Variants in AOPEP observed in about 807,000 individuals in gnomAD.
AOPEP encodes the protein aminopeptidase O.
Under a neutral mutation model 98.1 loss-of-function variants are expected in AOPEP, and 77 were observed. The ratio of observed to expected loss-of-function variants is 0.78; its 90% confidence interval spans 0.65 to 0.95. AOPEP has a LOEUF of 0.95. Ranked by LOEUF, AOPEP falls within the 40% of genes least tolerant of loss-of-function variation. The pLI is 0.00. For missense variants in AOPEP, 1,024 were observed against 1,024.7 expected, an observed-to-expected ratio of 1.00 and a Z score of 0.01; for synonymous variants, 346 against 365.3, an observed-to-expected ratio of 0.95 and a Z score of 0.60.
intron 5 of AOPEP, among the ~76,000 whole-genome samples, chr9:94,821,264 A>G (rs1853054516): frequency 6.6e-6 from 1 of 152,182 alleles, no homozygotes; most frequent in African/African-American, 2.4e-5. Flanking sequence ...TTCAGGATAG[A>G]GCGTTCACCC....
intron 4 of AOPEP, among the ~76,000 whole-genome samples, chr9:94,795,432 C>T (rs575865936): frequency 1.3e-5 from 2 of 152,310 alleles, no homozygotes; most frequent in African/African-American, 4.8e-5. Flanking sequence ...GACAAAGCCA[C>T]ACTTTCCTTA....
intron 5 of AOPEP, among the ~76,000 whole-genome samples, chr9:94,872,784 G>C (rs576965139): frequency 7.0e-4 from 106 of 152,302 alleles, no homozygotes; most frequent in Admixed American, 2.4e-3. Context: ...GGAAAGAAAA[G>C]ACGTGAAAGA....
intron 11 of AOPEP, among the ~76,000 whole-genome samples, chr9:95,003,473 G>T (rs540199180): frequency 8.5e-5 from 13 of 152,320 alleles, no homozygotes; most frequent in African/African-American, 2.9e-4. Flanking sequence ...GTGGGTAAAA[G>T]GAAGTGCCTG....
At chr9:94,752,450 ATTCT>A (rs1387361148) in intron 1 of AOPEP, among the ~76,000 whole-genome samples, 5 of 152,252 alleles carry the variant, frequency 3.3e-5, no homozygotes, top group Admixed American at 3.3e-4. Flanking sequence ...TAATAACAAA[ATTCT>A]TTCTTATCAG....
At chr9:94,917,570 T>C (rs1335285918) in intron 5 of AOPEP, among the ~76,000 whole-genome samples, 2 of 152,188 alleles carry the variant, frequency 1.3e-5, no homozygotes. Flanking sequence ...ATAAGCCTCC[T>C]CTGAGAGCAC....
rs1224998622 is a variant in AOPEP, at chr9:95,003,055, C to G, written c.1978-2103C>G. On this transcript the variant is annotated intron_variant, in intron 11 of 16. Transcript: ENST00000375315. ...ATCTGGGTGCTAGGAAGAAAGGAGA[C>G]TGTGTCAGTAGCAGAGCAAGACAGG... 2.6e-5 allele frequency among the ~76,000 whole-genome samples: 4 copies of G among 152,268 alleles called. No individual in the cohort carries two copies. The East Asian group carries it at 7.7e-4, about 29-fold the overall frequency.
At chr9:95,133,356 T>C in the AOPEP span, among the ~76,000 whole-genome samples, 5 of 152,188 alleles carry the variant, frequency 3.3e-5, no homozygotes, top group African/African-American at 1.2e-4. Flanking sequence ...TTAAACCAAA[T>C]AACACCCTCT....
chr9:94,750,756 C>CTTTTTTTTTT (rs536762614), intron 1 of AOPEP, among the ~76,000 whole-genome samples: 6 of 130,906 alleles, frequency 4.6e-5, no homozygotes, highest in Admixed American at 8.2e-5. Context: ...TCTTTTCTTT[C>CTTTTTTTTTT]TTTTTTTTTT....
rs545547153 is a variant in AOPEP at position 94,918,709 on chromosome 9, A to G, written c.1365-5277A>G. Among the ~76,000 whole-genome samples, 6 of 152,274 alleles carry G rather than the reference A, an allele frequency of 3.9e-5. 1 individual carries two copies. Among genetic ancestry groups the G allele is most frequent in the African/African-American group, 1.4e-4 (6 of 41,552 alleles). On this transcript the variant is annotated intron_variant, in intron 5 of 16. Coordinates refer to ENST00000375315, the MANE Select transcript of AOPEP (RefSeq NM_001193329.3). ...GTAACATCCTGAGGTTGTGGGGTAGAGCAATGAGATGGCATGTGTAAAATA... is the reference window on the plus strand; with the variant it reads ...GTAACATCCTGAGGTTGTGGGGTAGGGCAATGAGATGGCATGTGTAAAATA...
intron 5 of AOPEP, among the ~76,000 whole-genome samples, chr9:94,822,322 T>C (rs558559221): frequency 2.6e-4 from 39 of 152,350 alleles, no homozygotes; most frequent in African/African-American, 8.4e-4. Context: ...AGCTGTGAAA[T>C]AGACTTGTGC....
intron 7 of AOPEP, among the ~76,000 whole-genome samples, chr9:94,954,422 G>GTTT (rs1293190356): frequency 6.6e-6 from 1 of 152,208 alleles, no homozygotes; most frequent in African/African-American, 2.4e-5. Context: ...CTTGGGCCAT[G>GTTT]TGTAAAATAA....
At chr9:94,850,881 C>T (rs995631009) in intron 5 of AOPEP, among the ~76,000 whole-genome samples, 3 of 152,156 alleles carry the variant, frequency 2.0e-5, no homozygotes, top group East Asian at 1.9e-4. Context: ...ATTCTGGCTG[C>T]GGGAATATGA....
At chr9:94,805,266 A>G (rs548688769) in intron 5 of AOPEP, among the ~76,000 whole-genome samples, 20 of 152,240 alleles carry the variant, frequency 1.3e-4, no homozygotes, top group African/African-American at 4.3e-4. Flanking sequence ...CTTGAGCAGA[A>G]TTCTCCATGG....
chr9:95,150,051 A>C, the AOPEP span: 1 of 1,614,142 alleles, frequency 6.2e-7, no homozygotes, highest in Non-Finnish European at 8.5e-7. Context: ...GTGGGACACA[A>C]ACTCGTGACA....
chr9:95,108,480 A>C, the AOPEP span, among the ~76,000 whole-genome samples: 1 of 152,154 alleles, frequency 6.6e-6, no homozygotes, highest in Admixed American at 6.5e-5. Context: ...CTTGTCCAAT[A>C]ATCCCTAAGA....
intron 9 of AOPEP, among the ~76,000 whole-genome samples, chr9:94,963,899 G>C (rs571509780): frequency 1.6e-4 from 24 of 152,228 alleles, no homozygotes; most frequent in Admixed American, 1.4e-3. Context: ...AGTGGAAAAA[G>C]CTTCTGTCAT....
At chr9:95,084,683 A>G (rs4743988) in intron 16 of AOPEP, among the ~76,000 whole-genome samples, 102,504 of 152,042 alleles carry the variant, frequency 0.67, 35,137 homozygotes, top group Non-Finnish European at 0.73. Context: ...CAGGCAGGCA[A>G]AGGAGTCATC....
intron 7 of AOPEP, among the ~76,000 whole-genome samples, chr9:94,938,218 AC>A (rs1396627764): frequency 6.6e-6 from 1 of 152,126 alleles, no homozygotes; most frequent in Non-Finnish European, 1.5e-5. Flanking sequence ...CTCGCTTCTG[AC>A]CCTCAGACTT....
chr9:95,028,729 C>A (rs915607147), intron 13 of AOPEP, among the ~76,000 whole-genome samples: 8 of 152,168 alleles, frequency 5.3e-5, no homozygotes, highest in Admixed American at 2.0e-4. Flanking sequence ...CCAGGCAGCC[C>A]ATTGCTTCAC....
Sources: gnomAD v4.1 joint callset for allele counts (sites outside exome capture counted in the v4.1 genomes callset) on GRCh38, gnomAD v4.1.1 for gene constraint, MANE v1.5 for transcripts, NCBI Gene and HGNC (gene_info 2026-07-23, HGNC 2026-07-21) for gene names.